ETV7: variants seen among roughly 807,000 people sequenced by gnomAD.
ETV7 encodes transcription factor ETV7.
Under a neutral mutation model 39.1 loss-of-function variants are expected in ETV7, and 43 were observed. The observed-to-expected ratio is 1.10, with a 90% CI of 0.86 to 1.42. The LOEUF (loss-of-function observed/expected upper bound fraction) is 1.42, where lower values mean the gene tolerates loss of function less well. Among genes scored for constraint, ETV7 ranks in the 40% most tolerant of loss-of-function variants. The probability of loss-of-function intolerance (pLI) is 0.00; values close to 1 mark genes in which losing one functional copy is unlikely to be tolerated. For missense variants in ETV7, 432 were observed against 442.3 expected (o/e 0.98, Z 0.21); for synonymous variants, 196 against 176.6 (o/e 1.11, Z -0.87).
At chr6:36,372,143 C>T (rs1017502761) in intron 4 of ETV7, among the ~76,000 whole-genome samples, 25 of 152,216 alleles carry the variant, frequency 1.6e-4, no homozygotes, top group Non-Finnish European at 8.8e-5. Flanking sequence ...GCCTCCCTGA[C>T]ATTAGCATTT....
downstream of ETV7, chr6:36,366,048 G>T: frequency 3.3e-6 from 1 of 306,430 alleles, no homozygotes; most frequent in Non-Finnish European, 4.8e-6. Flanking sequence ...GTGGTGGGCA[G>T]CTGTAATCCC....
chr6:36,361,494 C>A (rs891848512), downstream of ETV7, among the ~76,000 whole-genome samples: 4 of 152,214 alleles, frequency 2.6e-5, no homozygotes, highest in African/African-American at 9.7e-5. Context: ...AAGACTGTGG[C>A]CCTAGGATCC....
chr6:36,356,371 C>T (rs1772343385), intron 7 of ETV7, among the ~76,000 whole-genome samples: 1 of 150,888 alleles, frequency 6.6e-6, no homozygotes, highest in South Asian at 2.1e-4. Flanking sequence ...ACACGTATCC[C>T]AAACATATAT....
Position 36,376,083 on chromosome 6 carries a change from A to T in ETV7, c.143-48T>A, listed in dbSNP as rs759169081. 72 of 1,539,190 alleles carry T rather than the reference A, an allele frequency of 4.7e-5. 1 individual carries two copies. In the Admixed American group the frequency reaches 9.2e-4, roughly 20 times the overall value. On this transcript the variant is annotated intron_variant, in intron 2 of 7. Coordinates refer to ENST00000340181, the MANE Select transcript of ETV7 (RefSeq NM_016135.4). ...CCATCACTCCCCGTCGGGCCTCCTC[A>T]AAGAAGCCCACCCTGAACACTTCAT...
In ETV7 at chr6:36,385,577, G is replaced by T. The variant is rs750283680; in HGVS notation, c.99C>A (p.Asn33Lys). ...HVQARCEAQINLLGEGGICKL... is the reference protein window; with the variant it reads ...HVQARCEAQIKLLGEGGICKL... ...TGCAGATCCCCCCTTCACCCAGCAG[G>T]TTAATTTGAGCTTCACATCTGGCTT... Residue 33 changes from asparagine (N) to lysine (K), a missense_variant, in exon 2 of 8, where the codon AAC (asparagine) becomes AAA (lysine). Transcript: ENST00000340181. 11 of 1,614,124 alleles carry T rather than the reference G, an allele frequency of 6.8e-6. No homozygotes were observed. Among genetic ancestry groups the T allele is most frequent in the Non-Finnish European group, 7.6e-6 (9 of 1,180,054 alleles).
At chr6:36,375,569 A>G (rs1773280259) in intron 3 of ETV7, among the ~76,000 whole-genome samples, 1 of 152,190 alleles carries the variant, frequency 6.6e-6, no homozygotes, top group Non-Finnish European at 1.5e-5. Flanking sequence ...GTGGGAGGCA[A>G]CAGGATGGAA....
At chr6:36,372,868 T>C (rs978992733) in intron 4 of ETV7, among the ~76,000 whole-genome samples, 1 of 150,780 alleles carries the variant, frequency 6.6e-6, no homozygotes, top group Non-Finnish European at 1.5e-5. Flanking sequence ...CACCACATGG[T>C]GTTTAAGACC....
chr6:36,364,194 A>G (rs1360697167), downstream of ETV7, among the ~76,000 whole-genome samples: 4 of 152,248 alleles, frequency 2.6e-5, no homozygotes, highest in African/African-American at 9.6e-5. Flanking sequence ...CTGGGGCTGC[A>G]GGTGGAGCTG....
At position 36,371,627 on chromosome 6, in the gene ETV7, A is replaced by G. The variant is rs943386666; in HGVS notation, c.434-67T>C. Reference sequence around the variant, plus strand: ...CAAGCCTCCCCAACTCAATCCCTCAATGGTGAGCCTGGGAGCCCTGTGGGG... The same window carrying G: ...CAAGCCTCCCCAACTCAATCCCTCAGTGGTGAGCCTGGGAGCCCTGTGGGG... On this transcript the variant is annotated intron_variant, in intron 4 of 7. Coordinates refer to ENST00000340181, the MANE Select transcript of ETV7 (RefSeq NM_016135.4). The G allele has an allele frequency of 1.1e-5, 15 of 1,340,524 alleles. No individual in the cohort carries two copies. In the African/African-American group the frequency reaches 1.7e-4, roughly 15 times the overall value. The allele number at this position is 1,340,524 out of a possible 1,614,324, so 83.0% of individuals were successfully genotyped here.
chr6:36,377,257 T>A (rs2127397041), intron 2 of ETV7, among the ~76,000 whole-genome samples: 1 of 152,222 alleles, frequency 6.6e-6, no homozygotes, highest in Admixed American at 6.5e-5. Flanking sequence ...GCCCAGGAGT[T>A]TGAGACCAGC....
intron 7 of ETV7, among the ~76,000 whole-genome samples, chr6:36,356,707 CTGCTGGGGGCAGGA>C (rs1772351896): frequency 6.6e-6 from 1 of 152,246 alleles, no homozygotes; most frequent in South Asian, 2.1e-4. Context: ...CCCTCCCCAA[CTGCTGGGGGCAGGA>C]CACTGTGATG....
intron 7 of ETV7, among the ~76,000 whole-genome samples, chr6:36,361,129 G>A (rs890581917): frequency 7.2e-5 from 11 of 152,162 alleles, no homozygotes; most frequent in African/African-American, 2.4e-4. Flanking sequence ...TCAAGATCAC[G>A]ATTAAAATAT....
chr6:36,369,037 C>T lies in ETV7; in HGVS notation c.699G>A (p.Leu233=). ...AGGGCTCATATCGGGTATCAAGGAG[C>T]AGCTGATACACGTAATCCCACAGCA... is the stretch of plus-strand genomic sequence containing the variant. ...CRLLWDYVYQ[L]LLDTRYEPYI... The change falls in exon 6 of 8, where the codon CTG becomes CTA. Residue 233 remains leucine (L), a synonymous_variant. Coordinates refer to ENST00000340181, the MANE Select transcript of ETV7 (RefSeq NM_016135.4). The T allele has an allele frequency of 6.2e-7, 1 of 1,614,170 alleles. No individual in the cohort carries two copies. Among genetic ancestry groups the T allele is most frequent in the Non-Finnish European group, 8.5e-7 (1 of 1,180,020 alleles).
At chr6:36,374,356 C>CAA (rs34244110) in intron 3 of ETV7, among the ~76,000 whole-genome samples, 1,648 of 143,542 alleles carry the variant, frequency 0.011, 76 homozygotes, top group Admixed American at 0.085. Flanking sequence ...GACCCTGTCT[C>CAA]AAAAAAAAAA....
rs902005882 is a variant in ETV7, at chr6:36,371,466, G to A, written c.528C>T (p.Asp176=). The change falls in exon 5 of 8, where the codon GAC becomes GAT. Residue 176 remains aspartate, a synonymous_variant. Coordinates refer to ENST00000340181, the MANE Select transcript of ETV7 (RefSeq NM_016135.4). ...GLTSNFGHLD[D]PGLARWTPGK... is the part of the protein sequence containing the mutation. ...CAGGGGTCCACCTTGCCAGGCCAGG[G>A]TCATCCAGGTGGCCGAAGTTGCTGG... is the stretch of plus-strand genomic sequence containing the variant. 2 of 1,603,636 alleles carry A rather than the reference G, an allele frequency of 1.2e-6. No individual in the cohort carries two copies. The highest frequency in any genetic ancestry group is 2.7e-5 in the African/African-American group (2 of 74,996).
chr6:36,379,021 G>A (rs1211997499), intron 2 of ETV7, among the ~76,000 whole-genome samples: 2 of 152,218 alleles, frequency 1.3e-5, no homozygotes, highest in Non-Finnish European at 2.9e-5. Context: ...TTAGAGCCGC[G>A]ATGGGAGATG....
chr6:36,354,689 T>C lies in ETV7; in HGVS notation c.909-2A>G. On this transcript the variant is annotated splice_acceptor_variant, in intron 7 of 7. Transcript: ENST00000339796. LOFTEE classifies it high-confidence loss of function. Reference sequence around the variant, plus strand: ...ATGAAGATCAGCTGAAGTCCATTTCTGCAATAAAAAAAAAAAGCAGTTGGA... The same window carrying C: ...ATGAAGATCAGCTGAAGTCCATTTCCGCAATAAAAAAAAAAAGCAGTTGGA... 1 of 696,944 alleles carries C rather than the reference T, an allele frequency of 1.4e-6. No individual in the cohort carries two copies. Among genetic ancestry groups the C allele is most frequent in the Non-Finnish European group, 2.6e-6 (1 of 382,890 alleles). The allele number at this position is 696,944 out of a possible 1,614,324, so 43.2% of individuals were successfully genotyped here.
chr6:36,363,084 C>G (rs144473913), downstream of ETV7, among the ~76,000 whole-genome samples: 1 of 150,644 alleles, frequency 6.6e-6, no homozygotes, highest in African/African-American at 2.5e-5. Context: ...AAATTCATTT[C>G]GACAGTCCCT....
At chr6:36,364,578 G>A (rs1052235533), downstream of ETV7, among the ~76,000 whole-genome samples, 13 of 152,362 alleles carry the variant, frequency 8.5e-5, no homozygotes, top group Middle Eastern at 3.4e-3. Flanking sequence ...GCCCGCAAGC[G>A]CCGCGCACAG....
Sources: allele counts gnomAD v4.1 joint callset (sites outside exome capture counted in the v4.1 genomes callset), GRCh38; gene constraint gnomAD v4.1.1; transcripts MANE v1.5; gene names NCBI Gene and HGNC (gene_info 2026-07-23, HGNC 2026-07-21).